FANK1: variants seen among roughly 807,000 people sequenced by gnomAD.
FANK1 encodes the protein fibronectin type 3 and ankyrin repeat domains protein 1.
A neutral mutation model predicts 45.3 loss-of-function variants in FANK1; 44 were observed. The observed-to-expected ratio is 0.97, with a 90% CI of 0.76 to 1.25. The LOEUF (loss-of-function observed/expected upper bound fraction) is 1.25, where lower values mean the gene tolerates loss of function less well. Ranked by LOEUF, FANK1 falls within the 50% of genes most tolerant of loss-of-function variation. FANK1 has a pLI of 0.00. For synonymous variants in FANK1, 149 were observed against 152.5 expected (o/e 0.98, Z 0.17); for missense variants, 391 against 424.4 (o/e 0.92, Z 0.69).
chr10:125,947,556 A>G (rs1166604262), intron 1 of FANK1, among the ~76,000 whole-genome samples: 1 of 151,504 alleles, frequency 6.6e-6, no homozygotes, highest in African/African-American at 2.4e-5. Context: ...TTCAACAAGA[A>G]GAGCTAACTA....
At chr10:125,955,019 T>G (rs1260015567) in intron 1 of FANK1, among the ~76,000 whole-genome samples, 1 of 152,032 alleles carries the variant, frequency 6.6e-6, no homozygotes, top group Admixed American at 6.6e-5. Flanking sequence ...CTCATAACAT[T>G]AGCAGCAATC....
intron 2 of FANK1, chr10:125,980,543 C>T: frequency 2.0e-6 from 1 of 506,804 alleles, no homozygotes. Flanking sequence ...CCTTTGAGAG[C>T]TTCTTTGACT....
intron 1 of FANK1, among the ~76,000 whole-genome samples, chr10:125,951,459 C>G (rs374939077): frequency 6.6e-6 from 1 of 152,068 alleles, no homozygotes; most frequent in South Asian, 2.1e-4. Flanking sequence ...TTGTGACAGG[C>G]AAGGATGAAA....
At chr10:125,908,773 TAAAA>T (rs1189806986) in intron 1 of FANK1, among the ~76,000 whole-genome samples, 1 of 151,810 alleles carries the variant, frequency 6.6e-6, no homozygotes, top group African/African-American at 2.4e-5. Context: ...TTAAAAAAAG[TAAAA>T]AAACCACTTA....
chr10:125,906,677 C>T (rs1945551819), intron 1 of FANK1, among the ~76,000 whole-genome samples: 1 of 152,152 alleles, frequency 6.6e-6, no homozygotes, highest in Non-Finnish European at 1.5e-5. Context: ...TCCTAGCTCT[C>T]TTCAGTGAAC....
In FANK1 at chr10:125,945,310, G is replaced by A. The variant is rs563005625; in HGVS notation, c.14-34851G>A. Among the ~76,000 whole-genome samples the A allele has an allele frequency of 2.6e-5, 4 of 152,324 alleles. 1 individual carries two copies. Among genetic ancestry groups the A allele is most frequent in the Admixed American group, 6.5e-5 (1 of 15,302 alleles). ...TCCCAGTGTGAGCGACGCAGAAGACGGGTGATTTCTGCATTTCCATCTGAG... is the reference window on the plus strand; with the variant it reads ...TCCCAGTGTGAGCGACGCAGAAGACAGGTGATTTCTGCATTTCCATCTGAG... On this transcript the variant is annotated intron_variant, in intron 1 of 10. Coordinates refer to ENST00000368693, the MANE Select transcript of FANK1 (RefSeq NM_145235.5).
intron 3 of FANK1, among the ~76,000 whole-genome samples, chr10:125,990,053 TG>T (rs1331783907): frequency 1.3e-5 from 2 of 152,210 alleles, no homozygotes; most frequent in Non-Finnish European, 2.9e-5. Flanking sequence ...GCCTGCTCCA[TG>T]GGCAAGCATG....
chr10:125,974,509 T>TA (rs1465044835), intron 1 of FANK1, among the ~76,000 whole-genome samples: 2 of 152,340 alleles, frequency 1.3e-5, no homozygotes, highest in East Asian at 1.9e-4. Flanking sequence ...GTAAGAAACT[T>TA]AAAGTGTAGC....
chr10:125,922,254 C>G (rs1348731076), intron 1 of FANK1, among the ~76,000 whole-genome samples: 2 of 152,158 alleles, frequency 1.3e-5, no homozygotes, highest in African/African-American at 4.8e-5. Context: ...TAGTTTAATT[C>G]TGTCGTCAGA....
intron 6 of FANK1, among the ~76,000 whole-genome samples, chr10:125,998,621 T>C (rs1952521377): frequency 6.6e-6 from 1 of 152,072 alleles, no homozygotes; most frequent in Admixed American, 6.5e-5. Context: ...CACCAATCTT[T>C]TGTAAATCTA....
At chr10:126,006,697 T>C (rs1417233064) in intron 7 of FANK1, among the ~76,000 whole-genome samples, 1 of 152,128 alleles carries the variant, frequency 6.6e-6, no homozygotes, top group Non-Finnish European at 1.5e-5. Flanking sequence ...CTGTCTCTAC[T>C]AAAAATACAA....
In FANK1 at chr10:125,997,401, T is replaced by C; in HGVS notation, c.474-19T>C. 1.2e-6 allele frequency: 2 copies of C among 1,611,772 alleles called. No individual in the cohort carries two copies. Among genetic ancestry groups the C allele is most frequent in the African/African-American group, 2.7e-5 (2 of 74,992 alleles). ...ATCAAGGTGACTTATCTAGCTACAC[T>C]TAAGTTTGTTTCCTTTAGGCTTGTG... is the stretch of plus-strand genomic sequence containing the variant. On this transcript the variant is annotated intron_variant, in intron 5 of 10. Transcript: ENST00000368693.
chr10:125,965,085 G>A (rs1950133698), intron 1 of FANK1, among the ~76,000 whole-genome samples: 1 of 152,144 alleles, frequency 6.6e-6, no homozygotes, highest in South Asian at 2.1e-4. Context: ...TTGAACCCGG[G>A]AGGCAGAGGT....
At position 125,932,272 on chromosome 10, in the gene FANK1, A is replaced by G. The variant is rs113777786; in HGVS notation, c.13+35617A>G. The stretch of plus-strand genomic sequence containing the variant: ...GGTATTTTGATGGGCATTGTGTTGA[A>G]TTTGTAGATTGCTTTTGGCAGTATC... On this transcript the variant is annotated intron_variant, in intron 1 of 10. Coordinates refer to ENST00000368693, the MANE Select transcript of FANK1 (RefSeq NM_145235.5). 4.8e-3 allele frequency among the ~76,000 whole-genome samples: 729 copies of G among 152,126 alleles called. 8 individuals carry two copies. Among genetic ancestry groups the G allele is most frequent in the African/African-American group, 0.016 (663 of 41,496 alleles).
intron 2 of FANK1, among the ~76,000 whole-genome samples, chr10:125,981,950 A>G (rs750645734): frequency 5.3e-5 from 8 of 152,230 alleles, no homozygotes; most frequent in Non-Finnish European, 8.8e-5. Flanking sequence ...TCCAATTTCA[A>G]CTGTTACTTG....
intron 1 of FANK1, among the ~76,000 whole-genome samples, chr10:125,920,176 A>G (rs1338423900): frequency 1.3e-5 from 2 of 152,220 alleles, no homozygotes; most frequent in Non-Finnish European, 2.9e-5. Context: ...ATGTAATTTC[A>G]GGCTATAGTG....
chr10:125,995,699 G>T, intron 4 of FANK1: 2 of 533,332 alleles, frequency 3.8e-6, no homozygotes, highest in Non-Finnish European at 6.8e-6. Context: ...GTTATATTTT[G>T]TGATTGTGTA....
At chr10:126,000,959 A>G (rs1369893300) in intron 6 of FANK1, among the ~76,000 whole-genome samples, 1 of 136,176 alleles carries the variant, frequency 7.3e-6, no homozygotes, top group Non-Finnish European at 1.7e-5. Context: ...TTTTCTATCA[A>G]ATTGGTGACT....
chr10:125,989,062 T>G (rs187579105), intron 3 of FANK1, among the ~76,000 whole-genome samples: 1 of 152,206 alleles, frequency 6.6e-6, no homozygotes, highest in Non-Finnish European at 1.5e-5. Flanking sequence ...TCATATCCAT[T>G]TTAGACAACC....
Sources: allele counts gnomAD v4.1 joint callset (sites outside exome capture counted in the v4.1 genomes callset), GRCh38; gene constraint gnomAD v4.1.1; transcripts MANE v1.5; gene names NCBI Gene and HGNC (gene_info 2026-07-23, HGNC 2026-07-21).